LRMDA: variants seen among roughly 807,000 people sequenced by gnomAD.
LRMDA encodes leucine-rich melanocyte differentiation-associated protein.
A neutral mutation model predicts 29.8 loss-of-function variants in LRMDA; 18 were observed. The observed-to-expected ratio is 0.60, with a 90% CI of 0.42 to 0.90. LRMDA has a LOEUF of 0.90. LRMDA is among the 40% of genes least tolerant of loss of function. LRMDA has a pLI of 0.00. For missense variants in LRMDA, 273 were observed against 273.9 expected, an observed-to-expected ratio of 1.00 and a Z score of 0.02; for synonymous variants, 125 against 109.4, an observed-to-expected ratio of 1.14 and a Z score of -0.89.
chr10:75,471,748 G>A (rs1166907265), intron 2 of LRMDA, among the ~76,000 whole-genome samples: 3 of 152,170 alleles, frequency 2.0e-5, no homozygotes, highest in Non-Finnish European at 4.4e-5. Context: ...AAAGTTGAAT[G>A]TTTATTTCTA....
chr10:76,515,025 T>G (rs1362806244), intron 6 of LRMDA, among the ~76,000 whole-genome samples: 3 of 152,196 alleles, frequency 2.0e-5, no homozygotes, highest in Non-Finnish European at 4.4e-5. Context: ...GCTTTGAGTG[T>G]AAAGGGCAGT....
intron 2 of LRMDA, among the ~76,000 whole-genome samples, chr10:75,931,749 C>G (rs561378853): frequency 1.3e-5 from 2 of 152,324 alleles, no homozygotes; most frequent in Admixed American, 6.5e-5. Context: ...CTCTCATCAG[C>G]AATACTGAGC....
At chr10:76,185,171 C>T (rs532642554) in intron 5 of LRMDA, among the ~76,000 whole-genome samples, 4 of 152,272 alleles carry the variant, frequency 2.6e-5, no homozygotes, top group Non-Finnish European at 4.4e-5. Flanking sequence ...TGAGTTACTG[C>T]GTTCAGGATG....
chr10:75,943,164 C>CAAA (rs59276408), intron 2 of LRMDA, among the ~76,000 whole-genome samples: 4 of 95,360 alleles, frequency 4.2e-5, no homozygotes, highest in Admixed American at 1.1e-4. Context: ...ATGTTTTCAG[C>CAAA]AAAAAAAAAA....
At chr10:76,398,097 G>A (rs1243238810) in intron 6 of LRMDA, among the ~76,000 whole-genome samples, 4 of 152,110 alleles carry the variant, frequency 2.6e-5, no homozygotes, top group East Asian at 1.9e-4. Flanking sequence ...GCAGGTCTGC[G>A]GCTCCTTTGT....
chr10:75,692,219 A>AAAAAAATATAT (rs1353540469), intron 2 of LRMDA, among the ~76,000 whole-genome samples: 1 of 87,548 alleles, frequency 1.1e-5, no homozygotes, highest in African/African-American at 5.5e-5. Flanking sequence ...AAAAAAAAAA[A>AAAAAAATATAT]ATATATATAT....
intron 5 of LRMDA, among the ~76,000 whole-genome samples, chr10:76,322,504 A>G (rs1160841394): frequency 6.6e-6 from 1 of 152,272 alleles, no homozygotes; most frequent in Non-Finnish European, 1.5e-5. Flanking sequence ...GCAAAACAAC[A>G]GAAGCCACAC....
At chr10:75,904,045 C>A (rs1216970692) in intron 2 of LRMDA, among the ~76,000 whole-genome samples, 1 of 152,156 alleles carries the variant, frequency 6.6e-6, no homozygotes, top group Non-Finnish European at 1.5e-5. Flanking sequence ...CCGTATTGAA[C>A]CTTGGAATGA....
At position 76,058,769 on chromosome 10, in the gene LRMDA, G is replaced by A. The variant is rs1848657104; in HGVS notation, c.502G>A (p.Val168Met). Residue 168 changes from valine to methionine, a missense_variant, in exon 5 of 7, where the codon GTG (valine) becomes ATG (methionine). By Grantham distance (21) the Val-to-Met change is conservative. Coordinates refer to ENST00000611255, the MANE Select transcript of LRMDA (RefSeq NM_001305581.2). ...GTTGGTCAGAGGAGTCTTCATGAAG[G>A]TGGTGAAGCCCAAGGTGAGCTGCCT... Reference protein sequence around the residue: ...EALVRGVFMKVVKPKASSEDV... With the variant: ...EALVRGVFMKMVKPKASSEDV... The A allele has an allele frequency of 1.9e-6, 3 of 1,613,512 alleles. No individual in the cohort carries two copies. Among genetic ancestry groups the A allele is most frequent in the Non-Finnish European group, 2.5e-6 (3 of 1,179,564 alleles).
intron 2 of LRMDA, among the ~76,000 whole-genome samples, chr10:75,626,604 T>C (rs141605810): frequency 1.1e-3 from 165 of 152,260 alleles, no homozygotes; most frequent in African/African-American, 3.9e-3. Flanking sequence ...TTTGGATGTT[T>C]TCGTATTAAT....
At chr10:75,522,887 A>G (rs1845376466) in intron 2 of LRMDA, among the ~76,000 whole-genome samples, 1 of 152,210 alleles carries the variant, frequency 6.6e-6, no homozygotes, top group Admixed American at 6.5e-5. Flanking sequence ...AGAGGATGCT[A>G]AAGGTCTCCC....
chr10:75,783,172 G>C, intron 2 of LRMDA: 1 of 1,075,914 alleles, frequency 9.3e-7, no homozygotes, highest in East Asian at 2.6e-5. Flanking sequence ...CATTGTCAGT[G>C]AAGAGTAAAT....
At chr10:75,905,048 T>C (rs189091359) in intron 2 of LRMDA, among the ~76,000 whole-genome samples, 1 of 152,260 alleles carries the variant, frequency 6.6e-6, no homozygotes. Context: ...TCCAGTGTAA[T>C]GAGAAAATAT....
At chr10:76,171,639 G>A (rs1226475225) in intron 5 of LRMDA, among the ~76,000 whole-genome samples, 2 of 152,176 alleles carry the variant, frequency 1.3e-5, no homozygotes, top group Non-Finnish European at 2.9e-5. Context: ...CGTAACCACA[G>A]CAGGGATTCC....
At chr10:75,950,474 T>C (rs781485386) in intron 2 of LRMDA, among the ~76,000 whole-genome samples, 12 of 152,256 alleles carry the variant, frequency 7.9e-5, no homozygotes, top group Non-Finnish European at 1.5e-5. Flanking sequence ...ACATGCCCCC[T>C]CTTTCCTTCC....
intron 5 of LRMDA, among the ~76,000 whole-genome samples, chr10:76,259,630 C>G (rs986642956): frequency 6.6e-6 from 1 of 152,008 alleles, no homozygotes; most frequent in Non-Finnish European, 1.5e-5. Flanking sequence ...GATTTTCTTT[C>G]TAGATGATCT....
At chr10:75,532,552 G>A (rs2915019) in intron 2 of LRMDA, among the ~76,000 whole-genome samples, 12,769 of 152,158 alleles carry the variant, frequency 0.084, 803 homozygotes, top group East Asian at 0.3. Flanking sequence ...GACATCCTCA[G>A]GTGTGCATGC....
At chr10:75,819,276 G>T (rs563118082) in intron 2 of LRMDA, among the ~76,000 whole-genome samples, 16 of 152,162 alleles carry the variant, frequency 1.1e-4, no homozygotes, top group Admixed American at 2.0e-4. Flanking sequence ...ATAAGTTTGT[G>T]ATCAGTGACT....
rs1020439585 is a variant in LRMDA at position 75,636,316 on chromosome 10, T to A, written c.131+197822T>A. ...AATTACCTAGCCACTTTATTTTCTT[T>A]ATTAAATTTTCCCTTTCATTTTTAA... On this transcript the variant is annotated intron_variant, in intron 2 of 6. Coordinates refer to ENST00000611255, the MANE Select transcript of LRMDA (RefSeq NM_001305581.2). Among the ~76,000 whole-genome samples the A allele has an allele frequency of 4.6e-5, 7 of 152,322 alleles. No individual in the cohort carries two copies. The East Asian group carries it at 1.4e-3, about 29-fold the overall frequency.
Sources: gnomAD v4.1 joint callset for allele counts (sites outside exome capture counted in the v4.1 genomes callset) on GRCh38, gnomAD v4.1.1 for gene constraint, MANE v1.5 for transcripts, NCBI Gene and HGNC (gene_info 2026-07-23, HGNC 2026-07-21) for gene names.